DCDC2C: variants seen among roughly 807,000 people sequenced by gnomAD.
DCDC2C encodes the protein doublecortin domain containing 2C, also known as doublecortin domain-containing protein 2C.
DCDC2C carries 44 observed loss-of-function variants against 45.0 expected under a neutral mutation model. The ratio of observed to expected loss-of-function variants is 0.98; its 90% confidence interval spans 0.77 to 1.26. The LOEUF (loss-of-function observed/expected upper bound fraction) is 1.26. Ranked by LOEUF, DCDC2C falls within the 50% of genes most tolerant of loss-of-function variation. DCDC2C has a pLI of 0.00. For synonymous variants in DCDC2C, 187 were observed against 178.8 expected (o/e 1.05, Z -0.37); for missense variants, 447 against 468.9 (o/e 0.95, Z 0.43).
rs1160846380 is a variant in DCDC2C at position 3,800,678 on chromosome 2, C to T, written c.1065+15578C>T. ...GTGCTTCATGAGTTCTTCTCATTTC[C>T]TTACACAGGATATTACAAAGGTCAT... On this transcript the variant is annotated intron_variant, in intron 10 of 10. Transcript: ENST00000399143. 2.4e-5 allele frequency among the ~76,000 whole-genome samples: 3 copies of T among 125,016 alleles called. 1 individual carries two copies. Among genetic ancestry groups the T allele is most frequent in the Non-Finnish European group, 3.8e-5 (2 of 52,822 alleles). 82.0% of individuals were successfully genotyped at this position (125,016 alleles called of 152,430 possible). A position where few individuals can be genotyped will look rare whatever the true frequency, so the allele number is the denominator to read the frequency against.
At chr2:3,766,212 C>T (rs945530194) in intron 6 of DCDC2C, among the ~76,000 whole-genome samples, 19 of 151,898 alleles carry the variant, frequency 1.3e-4, no homozygotes, top group African/African-American at 2.4e-4. Context: ...GCCCTCGTTA[C>T]TAGGGTGGGT....
At chr2:3,733,548 T>C (rs576188614) in intron 3 of DCDC2C, among the ~76,000 whole-genome samples, 1 of 152,148 alleles carries the variant, frequency 6.6e-6, no homozygotes, top group East Asian at 1.9e-4. Context: ...CAGCAGAAAT[T>C]TTTTGCCCAC....
Position 3,801,569 on chromosome 2 carries a change from T to A in DCDC2C, c.1065+16469T>A, listed in dbSNP as rs183971521. Among the ~76,000 whole-genome samples the A allele has an allele frequency of 2.6e-5, 4 of 152,356 alleles. No homozygotes were observed. The East Asian group carries it at 7.7e-4, about 29-fold the overall frequency. On this transcript the variant is annotated intron_variant, in intron 10 of 10. Transcript: ENST00000399143. Reference sequence around the variant, plus strand: ...CACATCAGTAGAAAAATGACAGTTGTATTTATATGTTTAGGACAAAAGGGA... The same window carrying A: ...CACATCAGTAGAAAAATGACAGTTGAATTTATATGTTTAGGACAAAAGGGA...
In DCDC2C at chr2:3,761,659, G is replaced by A. The variant is rs867730119; in HGVS notation, c.727-6095G>A. Among the ~76,000 whole-genome samples, 1 of 152,340 alleles carries A rather than the reference G, an allele frequency of 6.6e-6. No homozygotes were observed. Among genetic ancestry groups the A allele is most frequent in the Middle Eastern group, 3.4e-3 (1 of 294 alleles). On this transcript the variant is annotated intron_variant, in intron 6 of 10. Transcript: ENST00000399143. The surrounding 1 kb of genome is among the most constrained non-coding windows in gnomAD (Gnocchi z 4.3). ...TGTTCAAAGCAGGCCTGGTTCATTG[G>A]TAGAAGACCTTGACCCACTTGGGAT... is the stretch of plus-strand genomic sequence containing the variant.
chr2:3,804,890 CA>C, intron 10 of DCDC2C, among the ~76,000 whole-genome samples: 1 of 152,146 alleles, frequency 6.6e-6, no homozygotes, highest in East Asian at 1.9e-4. Context: ...TTATTGGTGC[CA>C]TTTCCTTTCT....
chr2:3,792,855 C>T (rs1670855356), intron 10 of DCDC2C, among the ~76,000 whole-genome samples: 1 of 152,218 alleles, frequency 6.6e-6, no homozygotes, highest in South Asian at 2.1e-4. Context: ...AGTCCACAGA[C>T]ACTTTGAATT....
At chr2:3,711,192 G>A (rs560808993) in intron 2 of DCDC2C, among the ~76,000 whole-genome samples, 1 of 152,344 alleles carries the variant, frequency 6.6e-6, no homozygotes, top group South Asian at 2.1e-4. Context: ...ACTGTTGGTG[G>A]GAGGGTAAAT....
At chr2:3,800,270 G>T (rs1558233764) in intron 10 of DCDC2C, among the ~76,000 whole-genome samples, 1 of 152,126 alleles carries the variant, frequency 6.6e-6, no homozygotes, top group East Asian at 1.9e-4. Flanking sequence ...CCACTGTCTG[G>T]CACTCCCTAG....
At chr2:3,725,429 A>G (rs1331745786) in intron 2 of DCDC2C, among the ~76,000 whole-genome samples, 1 of 104,882 alleles carries the variant, frequency 9.5e-6, no homozygotes, top group Admixed American at 1.1e-4. Context: ...TGCCAGGTGG[A>G]TCCCAGAGGA....
Position 3,788,149 on chromosome 2 carries a change from G to C in DCDC2C, c.1065+3049G>C, listed in dbSNP as rs376559757. 3.3e-5 allele frequency among the ~76,000 whole-genome samples: 5 copies of C among 152,248 alleles called. No individual in the cohort carries two copies. The East Asian group carries it at 7.7e-4, about 23-fold the overall frequency. On this transcript the variant is annotated intron_variant, in intron 10 of 10. Transcript: ENST00000399143. ...TTTCTTCTGAACAAATATTCAATTT[G>C]ATTTCTCACTGGCTATTTTTTTGAC... is the stretch of plus-strand genomic sequence containing the variant.
At chr2:3,716,056 AG>A (rs1249407313) in intron 2 of DCDC2C, among the ~76,000 whole-genome samples, 1 of 152,206 alleles carries the variant, frequency 6.6e-6, no homozygotes, top group Admixed American at 6.5e-5. Flanking sequence ...CCTGTTGTTC[AG>A]GGAGTGACAT....
chr2:3,821,231 C>G (rs1026947956), intron 10 of DCDC2C, among the ~76,000 whole-genome samples: 1 of 152,182 alleles, frequency 6.6e-6, no homozygotes, highest in Non-Finnish European at 1.5e-5. Context: ...AAGGCAGGAA[C>G]TAGCCATTTT....
At chr2:3,708,720 T>G (rs919278942) in intron 2 of DCDC2C, 120 bp downstream of exon 2, 1 of 741,998 alleles carries the variant, frequency 1.3e-6, no homozygotes, top group African/African-American at 1.8e-5. Context: ...AGAGATGTGT[T>G]GCTCTTGAAG....
intron 3 of DCDC2C, among the ~76,000 whole-genome samples, chr2:3,728,115 G>A (rs1335554659): frequency 1.3e-5 from 2 of 152,096 alleles, no homozygotes; most frequent in African/African-American, 4.8e-5. Flanking sequence ...CCTCTACCAC[G>A]TCCCCTCGCA....
chr2:3,785,515 A>G (rs115586747), intron 10 of DCDC2C, among the ~76,000 whole-genome samples: 86 of 152,218 alleles, frequency 5.6e-4, no homozygotes, highest in African/African-American at 2.0e-3. Context: ...CCATGAAGCT[A>G]AGGATGGATG....
Position 3,703,864 on chromosome 2 carries a change from G to A in DCDC2C, c.113G>A (p.Arg38His). 3.9e-6 allele frequency: 5 copies of A among 1,290,282 alleles called. No individual in the cohort carries two copies. The highest frequency in any genetic ancestry group is 3.9e-6 in the Non-Finnish European group (4 of 1,014,378). The allele number at this position is 1,290,282 out of a possible 1,614,324, so 79.9% of individuals were successfully genotyped here. The stretch of plus-strand genomic sequence containing the variant: ...GGCAAGAAGTTCGTGCTGTCGCGGC[G>A]CCGCGCGGCCACCTTCGAGGCGCTG... ...YVGKKFVLSR[R>H]RAATFEALLE... is the part of the protein sequence containing the mutation. The change falls in exon 1 of 11, where the codon CGC (arginine) becomes CAC (histidine). Residue 38 changes from arginine to histidine, a missense_variant. Coordinates refer to ENST00000399143, the MANE Select transcript of DCDC2C (RefSeq NM_001287444.2). The surrounding 1 kb of genome is among the most constrained non-coding windows in gnomAD (Gnocchi z 4.4).
At chr2:3,742,893 A>G (rs1572577683) in intron 4 of DCDC2C, among the ~76,000 whole-genome samples, 1 of 152,344 alleles carries the variant, frequency 6.6e-6, no homozygotes, top group Non-Finnish European at 1.5e-5. Context: ...TCTTGCAGCC[A>G]GTGGGTCCCA....
intron 3 of DCDC2C, among the ~76,000 whole-genome samples, chr2:3,735,388 G>A (rs539063560): frequency 2.5e-4 from 38 of 152,038 alleles, no homozygotes; most frequent in East Asian, 9.7e-4. Flanking sequence ...AGCATTAGGT[G>A]TATCTCCTAA....
intron 2 of DCDC2C, among the ~76,000 whole-genome samples, chr2:3,719,444 A>G (rs749970084): frequency 2.6e-5 from 4 of 152,000 alleles, no homozygotes; most frequent in Non-Finnish European, 4.4e-5. Flanking sequence ...GGCTGTCCAC[A>G]TTGGGTGTAA....
Sources: gnomAD v4.1 joint callset for allele counts (sites outside exome capture counted in the v4.1 genomes callset) on GRCh38, gnomAD v4.1.1 for gene constraint, Gnocchi (gnomAD v3.1) non-coding constraint, MANE v1.5 for transcripts, NCBI Gene and HGNC (gene_info 2026-07-23, HGNC 2026-07-21) for gene names.